The following CDH16 variants were observed in gnomAD, a reference collection of about 807,000 sequenced individuals.
CDH16 encodes the protein cadherin-16.
A neutral mutation model predicts 87.6 loss-of-function variants in CDH16; 79 were observed. The ratio of observed to expected loss-of-function variants is 0.90; its 90% CI spans 0.75 to 1.09. The LOEUF (loss-of-function observed/expected upper bound fraction) is 1.09, where lower values mean the gene tolerates loss of function less well. Ranked by LOEUF, CDH16 falls within the 50% of genes least tolerant of loss-of-function variation. The probability of loss-of-function intolerance (pLI) is 0.00; values close to 1 mark genes in which losing one functional copy is unlikely to be tolerated. For synonymous variants in CDH16, 457 were observed against 439.5 expected (o/e 1.04, Z -0.50); for missense variants, 1,124 against 1,071.7 (o/e 1.05, Z -0.68).
chr16:66,911,859 G>T, intron 13 of CDH16, 40 bp downstream of exon 13: 1 of 1,548,030 alleles, frequency 6.5e-7, no homozygotes. Flanking sequence ...AGGGAGCAGG[G>T]GCAATCCAGT....
chr16:66,917,943 G>T, intron 2 of CDH16, 78 bp downstream of exon 2: 1 of 1,273,310 alleles, frequency 7.9e-7, no homozygotes, highest in Non-Finnish European at 1.1e-6. Context: ...CAGTGCAATT[G>T]GTCCAGGTGG....
intron 12 of CDH16, 26 bp from the exon 13 acceptor site, chr16:66,912,166 G>A: frequency 6.2e-7 from 1 of 1,607,718 alleles, no homozygotes; most frequent in South Asian, 1.1e-5. Context: ...CCAGGTCACT[G>A]TGCGGGCCTG....
rs778000457 is a variant in CDH16 at position 66,913,448 on chromosome 16, CA to C, written c.903+42del. On this transcript the variant is annotated intron_variant, in intron 8 of 17. Coordinates refer to ENST00000299752, the MANE Select transcript of CDH16 (RefSeq NM_004062.4). The stretch of plus-strand genomic sequence containing the variant: ...CCCCAAAAGCCAACTGGACACTGAC[CA>C]AGCACCCCCAGCCTGCATCCCTGGC... 4.7e-5 allele frequency: 75 copies of C among 1,611,764 alleles called. No homozygotes were observed. In the Admixed American group the frequency reaches 8.0e-4, roughly 17 times the overall value.
chr16:66,913,606 C>G lies in CDH16; in HGVS notation c.788G>C (p.Trp263Ser). ...GTGATAGTGCACATCACCCCCACTC[C>G]AGTGTACCTGGGGGGGACACCCCGG... Reference protein sequence around the residue: ...LYPHHMAQVHWSGGDVHYHLE... With the variant: ...LYPHHMAQVHSSGGDVHYHLE... Residue 263 changes from tryptophan (W) to serine (S), a missense_variant, in exon 8 of 18, where the codon TGG (tryptophan) becomes TCG (serine). Transcript: ENST00000299752. The G allele has an allele frequency of 6.2e-7, 1 of 1,614,040 alleles. No homozygotes were observed. Among genetic ancestry groups the G allele is most frequent in the Non-Finnish European group, 8.5e-7 (1 of 1,179,968 alleles).
intron 14 of CDH16, 92 bp from the exon 15 acceptor site, chr16:66,910,594 C>A: frequency 7.5e-7 from 1 of 1,326,494 alleles, no homozygotes; most frequent in Non-Finnish European, 9.9e-7. Flanking sequence ...CCATGAGCCT[C>A]GCCTTATAGA....
Position 66,909,143 on chromosome 16 carries a change from G to T in CDH16, c.2392+124C>A. The T allele has an allele frequency of 1.4e-6, 1 of 712,514 alleles. No homozygotes were observed. The highest frequency in any genetic ancestry group is 1.7e-5 in the African/African-American group (1 of 57,500). The allele number at this position is 712,514 out of a possible 1,614,324, so 44.1% of individuals were successfully genotyped here. ...TCAAAGGGCAGGCGCATAATGACTA[G>T]GAGAGTTGGGGGCTTCCTTTTTCAG... On this transcript the variant is annotated intron_variant, in intron 17 of 17. Transcript: ENST00000299752. This position sits in a 1 kb window ranked among gnomAD's most constrained non-coding sequence, Gnocchi z 4.1.
chr16:66,918,175 T>A (rs1962772742), intron 1 of CDH16, 97 bp from the exon 2 acceptor site: 2 of 762,544 alleles, frequency 2.6e-6, no homozygotes. Context: ...AGACTAGTCT[T>A]CTCTTCCTCC....
Position 66,913,160 on chromosome 16 carries a change from G to A in CDH16, c.1025C>T (p.Thr342Ile), listed in dbSNP as rs1310795908. The change falls in exon 9 of 18, where the codon ACA becomes ATA. Residue 342 changes from threonine (T) to isoleucine (I), a missense_variant. Thr to Ile is a moderately conservative substitution (Grantham distance 89). Transcript: ENST00000299752. ...TGGACTGAGCTCAGGGATGCTGACT[G>A]TGGGGTCACGGGGAGGGCAGATAGG... Reference protein sequence around the residue: ...NVPICPPRDPTVSIPELSPPG... With the variant: ...NVPICPPRDPIVSIPELSPPG... 6 of 1,609,984 alleles carry A rather than the reference G, an allele frequency of 3.7e-6. No individual in the cohort carries two copies. The Admixed American group carries it at 1.0e-4, about 27-fold the overall frequency.
Position 66,908,423 on chromosome 16 carries a change from G to A in CDH16, c.2459C>T (p.Ala820Val). 6.2e-7 allele frequency: 1 copy of A among 1,614,106 alleles called. No individual in the cohort carries two copies. Among genetic ancestry groups the A allele is most frequent in the East Asian group, 2.2e-5 (1 of 44,888 alleles). The change falls in exon 18 of 18, where the codon GCA (alanine) becomes GTA (valine). Residue 820 changes from alanine to valine, a missense_variant. Transcript: ENST00000299752. ...MSRKKDPDQP[A>V]DSVPLKATV ...AGTCGCCTTCAGGGGCACGCTGTCT[G>A]CTGGTTGATCCGGGTCCTTCTTCCT...
At chr16:66,914,562 G>T in intron 6 of CDH16, 150 bp from the exon 7 acceptor site, 1 of 623,332 alleles carries the variant, frequency 1.6e-6, no homozygotes, top group Non-Finnish European at 2.8e-6. Flanking sequence ...TTTAAGCACT[G>T]TTGTGAGCCT....
chr16:66,911,290 C>T lies in CDH16; in HGVS notation c.1816G>A (p.Gly606Ser). 6.2e-7 allele frequency: 1 copy of T among 1,613,530 alleles called. No homozygotes were observed. The highest frequency in any genetic ancestry group is 1.1e-5 in the South Asian group (1 of 90,954). ...LRFSLVNDSEGWLCIEKFSGE... is the reference protein window; with the variant it reads ...LRFSLVNDSESWLCIEKFSGE... ...GAGAATTTCTCAATGCAGAGCCAGC[C>T]CTCTGAGTCATTGACTAGGGAGAAC... The change falls in exon 14 of 18, where the codon GGC (glycine) becomes AGC (serine). Residue 606 changes from glycine (G) to serine (S), a missense_variant. Transcript: ENST00000299752.
intron 5 of CDH16, 63 bp from the exon 6 acceptor site, chr16:66,915,441 T>C: frequency 6.6e-7 from 1 of 1,506,826 alleles, no homozygotes; most frequent in Non-Finnish European, 9.1e-7. Flanking sequence ...CTCCCATGCC[T>C]CTCCTATTTC....
intron 2 of CDH16, 132 bp downstream of exon 2, chr16:66,917,889 G>A: frequency 1.0e-6 from 1 of 999,016 alleles, no homozygotes; most frequent in Non-Finnish European, 1.5e-6. Flanking sequence ...TGGCTCTATA[G>A]TCCCAGCTCT....
Position 66,910,309 on chromosome 16 carries a change from A to T in CDH16, c.2118T>A (p.Leu706=). ...CCCGTTGCACCGTGGGGTTGGGACC[A>T]AGGGTGAAGCTGTAGGGACCGTGCC... ...ASGHGPYSFT[L]GPNPTVQRDW... is the part of the protein sequence containing the mutation. The change falls in exon 15 of 18, where the codon CTT becomes CTA. Residue 706 remains leucine, a synonymous_variant. Coordinates refer to ENST00000299752, the MANE Select transcript of CDH16 (RefSeq NM_004062.4). 1 of 1,613,360 alleles carries T rather than the reference A, an allele frequency of 6.2e-7. No homozygotes were observed.
intron 17 of CDH16, among the ~76,000 whole-genome samples, chr16:66,908,925 C>T (rs1453083114): frequency 6.6e-6 from 1 of 152,172 alleles, no homozygotes; most frequent in Non-Finnish European, 1.5e-5. Flanking sequence ...TCTGTCACAA[C>T]CTGACTGTGT....
chr16:66,915,459 T>C (rs1360770128), intron 5 of CDH16, 81 bp from the exon 6 acceptor site: 1 of 1,452,420 alleles, frequency 6.9e-7, no homozygotes, highest in African/African-American at 1.4e-5. Flanking sequence ...TTCTCCTCTG[T>C]CCTTTCTTCC....
Position 66,912,678 on chromosome 16 carries a change from G to A in CDH16, c.1268C>T (p.Ala423Val), listed in dbSNP as rs1290416440. 6 of 1,613,990 alleles carry A rather than the reference G, an allele frequency of 3.7e-6. No individual in the cohort carries two copies. The East Asian group carries it at 1.3e-4, about 36-fold the overall frequency. ...ILLLVLAMDL[A>V]GAEGGFSSTC... is the part of the protein sequence containing the mutation. Reference sequence around the variant, plus strand: ...AGGGCACTTACCACCCTCTGCGCCTGCCAGGTCCATGGCCAGCACCAGAAG... The same window carrying A: ...AGGGCACTTACCACCCTCTGCGCCTACCAGGTCCATGGCCAGCACCAGAAG... The change falls in exon 10 of 18, where the codon GCA (alanine) becomes GTA (valine). Residue 423 changes from alanine to valine, a missense_variant. Ala to Val is a moderately conservative substitution (Grantham distance 64). Transcript: ENST00000299752.
In CDH16 at chr16:66,912,234, G is replaced by T. The variant is rs1596975805; in HGVS notation, c.1548+8C>A. The T allele has an allele frequency of 1.2e-6, 2 of 1,604,164 alleles. No homozygotes were observed. Among genetic ancestry groups the T allele is most frequent in the Non-Finnish European group, 1.7e-6 (2 of 1,173,464 alleles). On this transcript the variant is annotated splice_region_variant and intron_variant, in intron 12 of 17. Coordinates refer to ENST00000299752, the MANE Select transcript of CDH16 (RefSeq NM_004062.4). The stretch of plus-strand genomic sequence containing the variant: ...GTGGGCCCCTTTCCCAGCTACCCAG[G>T]CCCTCACCTTGCAGAGTCTGAGTCT...
chr16:66,913,013 T>C (rs1962502453), intron 9 of CDH16, 118 bp downstream of exon 9: 1 of 1,322,532 alleles, frequency 7.6e-7, no homozygotes, highest in Non-Finnish European at 1.1e-6. Flanking sequence ...TGTGTGTGTG[T>C]GTGTGTGTGT....
Sources: allele counts gnomAD v4.1 joint callset (sites outside exome capture counted in the v4.1 genomes callset), GRCh38; gene constraint gnomAD v4.1.1; non-coding constraint Gnocchi (gnomAD v3.1); transcripts MANE v1.5; gene names NCBI Gene and HGNC (gene_info 2026-07-23, HGNC 2026-07-21).